The following SGMS1 variants were observed in gnomAD, a reference collection of about 807,000 sequenced individuals.
The protein encoded by SGMS1 is phosphatidylcholine:ceramide cholinephosphotransferase 1.
A neutral mutation model predicts 46.2 loss-of-function variants in SGMS1; 13 were observed. That is an observed-to-expected ratio of 0.28 (90% CI 0.18 to 0.45). The LOEUF is 0.45. Among genes scored for constraint, SGMS1 ranks in the 20% least tolerant of loss-of-function variants. The pLI, the probability that SGMS1 is intolerant of heterozygous loss-of-function variation, is 1.00. For synonymous variants in SGMS1, 203 were observed against 187.8 expected (o/e 1.08, Z -0.66); for missense variants, 324 against 519.9 (o/e 0.62, Z 3.66).
intron 2 of SGMS1, among the ~76,000 whole-genome samples, chr10:50,559,222 CT>C (rs775033663): frequency 3.9e-5 from 6 of 152,202 alleles, no homozygotes; most frequent in Non-Finnish European, 8.8e-5. Flanking sequence ...TGTAATTTTA[CT>C]TGCTATAATC....
intron 7 of SGMS1, among the ~76,000 whole-genome samples, chr10:50,332,237 A>T (rs1227426687): frequency 1.3e-5 from 2 of 152,102 alleles, no homozygotes; most frequent in African/African-American, 4.8e-5. Context: ...CTTTGAACAC[A>T]GCTTGCGAAG....
intron 7 of SGMS1, among the ~76,000 whole-genome samples, chr10:50,338,226 C>T (rs1847749143): frequency 6.6e-6 from 1 of 152,168 alleles, no homozygotes; most frequent in Admixed American, 6.5e-5. Context: ...GAATGTTTTA[C>T]CACTAAGCTC....
intron 2 of SGMS1, among the ~76,000 whole-genome samples, chr10:50,520,745 G>A (rs559579441): frequency 1.6e-4 from 25 of 152,298 alleles, no homozygotes; most frequent in African/African-American, 5.3e-4. Flanking sequence ...CATGCTAAGT[G>A]ACTGACACTG....
At chr10:50,445,763 C>T (rs528141988) in intron 5 of SGMS1, among the ~76,000 whole-genome samples, 1 of 152,232 alleles carries the variant, frequency 6.6e-6, no homozygotes, top group South Asian at 2.1e-4. Context: ...AACAGGATAA[C>T]AGCGATGTTC....
At chr10:50,595,188 T>C (rs1043205604) in intron 1 of SGMS1, among the ~76,000 whole-genome samples, 3 of 152,166 alleles carry the variant, frequency 2.0e-5, no homozygotes, top group African/African-American at 7.2e-5. Flanking sequence ...TTCTTTTTTT[T>C]TTTTTGAGAT....
chr10:50,341,187 G>A (rs893278641), intron 7 of SGMS1: 1 of 345,848 alleles, frequency 2.9e-6, no homozygotes, highest in South Asian at 2.3e-5. Flanking sequence ...AGAAACAAAG[G>A]GTCCCTCTGA....
intron 6 of SGMS1, among the ~76,000 whole-genome samples, chr10:50,366,217 T>C (rs1190268993): frequency 1.3e-5 from 2 of 152,078 alleles, no homozygotes; most frequent in Non-Finnish European, 2.9e-5. Flanking sequence ...TACAAGGAAC[T>C]TAAACAAATT....
At chr10:50,573,023 C>T (rs941894562) in intron 2 of SGMS1, among the ~76,000 whole-genome samples, 1 of 152,170 alleles carries the variant, frequency 6.6e-6, no homozygotes, top group African/African-American at 2.4e-5. Context: ...AAGCATCTAA[C>T]AAAATTCAAC....
At chr10:50,525,286 T>C (rs1422002017) in intron 2 of SGMS1, among the ~76,000 whole-genome samples, 2 of 152,190 alleles carry the variant, frequency 1.3e-5, no homozygotes, top group Non-Finnish European at 2.9e-5. Context: ...TTGTACCCCA[T>C]CTAAGCCCTG....
chr10:50,528,008 A>G (rs958260943), intron 2 of SGMS1, among the ~76,000 whole-genome samples: 3 of 152,194 alleles, frequency 2.0e-5, no homozygotes, highest in African/African-American at 7.2e-5. Flanking sequence ...ACATGGCTCT[A>G]AGTACTAAAT....
At chr10:50,596,800 C>A (rs752353537) in intron 1 of SGMS1, among the ~76,000 whole-genome samples, 6 of 152,216 alleles carry the variant, frequency 3.9e-5, no homozygotes, top group Non-Finnish European at 8.8e-5. Flanking sequence ...AAACCCCTCA[C>A]TCAACAACCC....
intron 2 of SGMS1, among the ~76,000 whole-genome samples, chr10:50,560,369 A>G (rs1325894674): frequency 1.4e-5 from 2 of 138,274 alleles, no homozygotes; most frequent in African/African-American, 5.3e-5. Flanking sequence ...AATACATATT[A>G]TATATTATAT....
At chr10:50,466,147 T>C (rs1011547192) in intron 4 of SGMS1, among the ~76,000 whole-genome samples, 5 of 152,020 alleles carry the variant, frequency 3.3e-5, no homozygotes, top group African/African-American at 1.2e-4. Flanking sequence ...TGTTTAGAAA[T>C]AGGTAGACAA....
At chr10:50,421,862 C>G (rs1372978232) in intron 6 of SGMS1, among the ~76,000 whole-genome samples, 1 of 152,164 alleles carries the variant, frequency 6.6e-6, no homozygotes, top group African/African-American at 2.4e-5. Flanking sequence ...ATGCAGGTGG[C>G]TCCCATGTTG....
intron 5 of SGMS1, among the ~76,000 whole-genome samples, chr10:50,443,125 C>A (rs906005169): frequency 2.6e-5 from 4 of 152,160 alleles, no homozygotes; most frequent in Non-Finnish European, 4.4e-5. Flanking sequence ...TCAATCAGCT[C>A]TCTCAGCTGG....
chr10:50,332,453 C>T (rs982012996), intron 7 of SGMS1, among the ~76,000 whole-genome samples: 12 of 152,080 alleles, frequency 7.9e-5, no homozygotes, highest in African/African-American at 2.9e-4. Flanking sequence ...TTCTGCACCC[C>T]CACATTCCCA....
At chr10:50,322,597 C>A (rs1389682787) in intron 8 of SGMS1, among the ~76,000 whole-genome samples, 1 of 151,832 alleles carries the variant, frequency 6.6e-6, no homozygotes, top group Non-Finnish European at 1.5e-5. Flanking sequence ...CTTTGGGAGG[C>A]CGAGGCGGGT....
rs138793632 is a variant in SGMS1, at chr10:50,317,737, T to C, written c.742-6322A>G. ...CAACATTTATTCACTATTCACTAAC[T>C]ATTTTTCGTAAGCTTAGTTTTTATT... On this transcript the variant is annotated intron_variant, in intron 8 of 10. Coordinates refer to ENST00000361781, the MANE Select transcript of SGMS1 (RefSeq NM_147156.4). 1.9e-3 allele frequency among the ~76,000 whole-genome samples: 295 copies of C among 152,266 alleles called. 2 individuals are homozygous for C. Among genetic ancestry groups the C allele is most frequent in the African/African-American group, 6.9e-3 (287 of 41,570 alleles).
chr10:50,307,514 C>T lies in SGMS1; in HGVS notation c.1063-193G>A, dbSNP rs1489280298. ...ACTGAGCCACATCCCAGTAGAAAAA[C>T]AACGCCAATTCTGGGAGGGCAAGGA... is the stretch of plus-strand genomic sequence containing the variant. On this transcript the variant is annotated intron_variant, in intron 10 of 10. Transcript: ENST00000361781. This position sits in a 1 kb window ranked among gnomAD's most constrained non-coding sequence, Gnocchi z 4.2. Among the ~76,000 whole-genome samples, 1 of 152,150 alleles carries T rather than the reference C, an allele frequency of 6.6e-6. No individual in the cohort carries two copies. Among genetic ancestry groups the T allele is most frequent in the Non-Finnish European group, 1.5e-5 (1 of 68,042 alleles).
Sources: allele counts gnomAD v4.1 joint callset (sites outside exome capture counted in the v4.1 genomes callset), GRCh38; gene constraint gnomAD v4.1.1; non-coding constraint Gnocchi (gnomAD v3.1); transcripts MANE v1.5; gene names NCBI Gene and HGNC (gene_info 2026-07-23, HGNC 2026-07-21).